The following RGS22 variants were observed in gnomAD, a reference collection of about 807,000 sequenced individuals.
RGS22 encodes regulator of G protein signaling 22.
In RGS22, 148 loss-of-function variants were observed where a neutral mutation model predicts 172.9. The ratio of observed to expected loss-of-function variants is 0.86; its 90% CI spans 0.75 to 0.98. The LOEUF is 0.98. RGS22 is among the 50% of genes least tolerant of loss of function. The pLI, the probability that RGS22 is intolerant of heterozygous loss-of-function variation, is 0.00. For missense variants in RGS22, 1,347 were observed against 1,440.8 expected, an observed-to-expected ratio of 0.93 and a Z score of 1.05; for synonymous variants, 458 against 480.2, an observed-to-expected ratio of 0.95 and a Z score of 0.60.
At chr8:100,030,488 C>T (rs1818675265) in intron 14 of RGS22, among the ~76,000 whole-genome samples, 1 of 152,304 alleles carries the variant, frequency 6.6e-6, no homozygotes, top group Non-Finnish European at 1.5e-5. Context: ...ATGCATGTTA[C>T]TGCCCCTGAA....
intron 9 of RGS22, among the ~76,000 whole-genome samples, chr8:100,059,438 AAAAACATGTTCCATGTCAATGG>A (rs1809916566): frequency 6.6e-6 from 1 of 152,126 alleles, no homozygotes. Context: ...AAAGGGATGG[AAAAACATGTTCCATGTCAATGG>A]AAACAAAAAA....
intron 2 of RGS22, among the ~76,000 whole-genome samples, chr8:100,096,825 C>T (rs1400685792): frequency 6.6e-6 from 1 of 151,150 alleles, no homozygotes; most frequent in Non-Finnish European, 1.5e-5. Flanking sequence ...CTTTACAACT[C>T]TAAAAGATGC....
At chr8:100,036,178 C>T (rs1024517175) in intron 14 of RGS22, among the ~76,000 whole-genome samples, 5 of 151,030 alleles carry the variant, frequency 3.3e-5, no homozygotes, top group Admixed American at 6.6e-5. Flanking sequence ...AACTGTAGAA[C>T]GATCTACAGT....
Position 100,052,800 on chromosome 8 carries a change from A to T in RGS22, c.1689+2T>A, listed in dbSNP as rs1247010320. 2 of 1,613,418 alleles carry T rather than the reference A, an allele frequency of 1.2e-6. No homozygotes were observed. The highest frequency in any genetic ancestry group is 1.7e-6 in the Non-Finnish European group (2 of 1,179,566). On this transcript the variant is annotated splice_donor_variant, in intron 10 of 27. Transcript: ENST00000360863. LOFTEE classifies it high-confidence loss of function. ...AGATCACAGCATGAATGTACACCCT[A>T]CCTGGATCTCAGGTATCTGTGGAAT...
Position 100,008,366 on chromosome 8 carries a change from G to A in RGS22, c.2361+9C>T. The stretch of plus-strand genomic sequence containing the variant: ...TGGTTTCACACTCAATTTATCGGTG[G>A]CACGGTACCTTTTTATAAGCAATTT... On this transcript the variant is annotated intron_variant, in intron 15 of 27. Coordinates refer to ENST00000360863, the MANE Select transcript of RGS22 (RefSeq NM_015668.5). 1 of 1,604,002 alleles carries A rather than the reference G, an allele frequency of 6.2e-7. No homozygotes were observed. Among genetic ancestry groups the A allele is most frequent in the Non-Finnish European group, 8.5e-7 (1 of 1,176,796 alleles).
At chr8:99,989,796 GATTGTCCCACTTT>G (rs1345961220) in intron 20 of RGS22, among the ~76,000 whole-genome samples, 1 of 152,134 alleles carries the variant, frequency 6.6e-6, no homozygotes, top group African/African-American at 2.4e-5. Context: ...AGTGAGTTGA[GATTGTCCCACTTT>G]ATTCCAGCCT....
intron 3 of RGS22, 155 bp from the exon 4 acceptor site, chr8:100,080,510 TG>T (rs1308875775): frequency 1.6e-6 from 1 of 625,742 alleles, no homozygotes; most frequent in Admixed American, 3.0e-5. Flanking sequence ...GGAAATCCCT[TG>T]GGTAGAGGTC....
chr8:100,084,567 T>C (rs1236569134), intron 3 of RGS22, among the ~76,000 whole-genome samples: 1 of 152,246 alleles, frequency 6.6e-6, no homozygotes, highest in Non-Finnish European at 1.5e-5. Context: ...AGAATTTCTT[T>C]CTATGGAATT....
At chr8:100,070,271 T>A (rs1287189387) in intron 6 of RGS22, among the ~76,000 whole-genome samples, 2 of 152,130 alleles carry the variant, frequency 1.3e-5, no homozygotes, top group Non-Finnish European at 2.9e-5. Context: ...AATGTAAAAT[T>A]TTTATCAATC....
chr8:100,055,157 C>T (rs1163922576), intron 9 of RGS22, among the ~76,000 whole-genome samples: 1 of 152,136 alleles, frequency 6.6e-6, no homozygotes, highest in African/African-American at 2.4e-5. Flanking sequence ...TTTGAGCAAA[C>T]ATACACAGTA....
intron 18 of RGS22, among the ~76,000 whole-genome samples, chr8:100,000,675 T>A (rs918842961): frequency 1.3e-5 from 2 of 152,198 alleles, no homozygotes; most frequent in Non-Finnish European, 2.9e-5. Context: ...CCATGAAACC[T>A]CACGCAATGT....
Position 100,037,782 on chromosome 8 carries a change from G to C in RGS22, c.2166+1149C>G, listed in dbSNP as rs1197623222. On this transcript the variant is annotated intron_variant, in intron 14 of 27. Transcript: ENST00000360863. ...GAGGATTAGGGCAAAAGGTTATAGA[G>C]AATTACAGGTAAAGGATTAACAAAC... 3.3e-5 allele frequency among the ~76,000 whole-genome samples: 5 copies of C among 152,286 alleles called. No individual in the cohort carries two copies. In the East Asian group the frequency reaches 5.8e-4, roughly 18 times the overall value.
intron 22 of RGS22, 109 bp downstream of exon 22, chr8:99,981,828 C>CTGGGATTACA (rs1444911659): frequency 1.1e-6 from 1 of 913,508 alleles, no homozygotes; most frequent in Non-Finnish European, 1.5e-6. Flanking sequence ...TCCCAAAGTG[C>CTGGGATTACA]TGGGATTACA....
At chr8:100,007,320 T>A (rs931896442) in intron 15 of RGS22, among the ~76,000 whole-genome samples, 3 of 152,172 alleles carry the variant, frequency 2.0e-5, no homozygotes, top group African/African-American at 4.8e-5. Flanking sequence ...AACGTATACA[T>A]AGATGGTTTT....
At chr8:99,999,116 A>C in intron 19 of RGS22, 146 bp downstream of exon 19, 2 of 673,636 alleles carry the variant, frequency 3.0e-6, no homozygotes, top group South Asian at 4.2e-5. Context: ...CTAGGATCAC[A>C]CCACTGCACT....
intron 14 of RGS22, among the ~76,000 whole-genome samples, chr8:100,032,906 C>T (rs1469498978): frequency 6.6e-6 from 1 of 152,134 alleles, no homozygotes; most frequent in Non-Finnish European, 1.5e-5. Flanking sequence ...ACAACCTGCT[C>T]CTGAATGACT....
chr8:100,000,072 A>G (rs1314826123), intron 18 of RGS22, among the ~76,000 whole-genome samples: 3 of 152,144 alleles, frequency 2.0e-5, no homozygotes, highest in Non-Finnish European at 4.4e-5. Flanking sequence ...ACCATTTGTA[A>G]AACACAACTT....
chr8:100,049,290 G>A (rs936130168), intron 10 of RGS22, among the ~76,000 whole-genome samples: 6 of 152,258 alleles, frequency 3.9e-5, no homozygotes, highest in African/African-American at 1.2e-4. Flanking sequence ...GAATTTTGCT[G>A]TATATAAGTT....
chr8:100,066,234 T>A lies in RGS22; in HGVS notation c.657A>T (p.Ser219=). ...ALAKQSQQTV[S]TFSLPCCVPY... is the part of the protein sequence containing the mutation. ...GTACACAACAGGGTAACGAAAAGGT[T>A]GATACTGTTTGCTGACTTTGTTTTG... is the stretch of plus-strand genomic sequence containing the variant. The change falls in exon 7 of 28, where the codon TCA becomes TCT. Residue 219 remains serine, a synonymous_variant. Coordinates refer to ENST00000360863, the MANE Select transcript of RGS22 (RefSeq NM_015668.5). The A allele has an allele frequency of 2.5e-6, 4 of 1,613,366 alleles. No homozygotes were observed. The highest frequency in any genetic ancestry group is 8.5e-7 in the Non-Finnish European group (1 of 1,179,382).
Sources: gnomAD v4.1 joint callset for allele counts (sites outside exome capture counted in the v4.1 genomes callset) on GRCh38, gnomAD v4.1.1 for gene constraint, MANE v1.5 for transcripts, NCBI Gene and HGNC (gene_info 2026-07-23, HGNC 2026-07-21) for gene names.